BCAR1: variants seen among roughly 807,000 people sequenced by gnomAD.
BCAR1 encodes the protein BCAR1 scaffold protein, Cas family member, also known as breast cancer anti-estrogen resistance protein 1.
BCAR1 carries 30 observed loss-of-function variants against 67.6 expected under a neutral mutation model. That is an observed-to-expected ratio of 0.44 (90% CI 0.33 to 0.60). The LOEUF is 0.60. Ranked by LOEUF, BCAR1 falls within the 20% of genes least tolerant of loss-of-function variation. BCAR1 has a pLI of 0.02. For missense variants in BCAR1, 1,313 were observed against 1,222.3 expected (o/e 1.07, Z -1.11); for synonymous variants, 626 against 556.7 (o/e 1.12, Z -1.75).
chr16:75,248,278 AC>A, intron 1 of BCAR1: 1 of 1,444,110 alleles, frequency 6.9e-7, no homozygotes, highest in Non-Finnish European at 9.1e-7. Flanking sequence ...GCACACATGC[AC>A]CCGCCCCAGC....
intron 1 of BCAR1, chr16:75,250,573 G>A (rs1434069750): frequency 4.3e-6 from 4 of 926,632 alleles, no homozygotes; most frequent in Non-Finnish European, 5.1e-6. Context: ...AGGAGCTGCT[G>A]TCCCCGATCT....
At chr16:75,254,739 G>T (rs1368782386), upstream of BCAR1, among the ~76,000 whole-genome samples, 1 of 152,160 alleles carries the variant, frequency 6.6e-6, no homozygotes, top group Non-Finnish European at 1.5e-5. Flanking sequence ...TCCCAGGAGT[G>T]GCCTGGCACC....
chr16:75,230,193 T>C (rs1460855615), intron 6 of BCAR1, among the ~76,000 whole-genome samples, 170 bp from the exon 7 acceptor site: 5 of 152,186 alleles, frequency 3.3e-5, no homozygotes, highest in African/African-American at 1.2e-4. Context: ...CCAGGAACCA[T>C]GGCAAGCCTT....
chr16:75,248,472 A>AGGTGGGTC, intron 1 of BCAR1: 2 of 601,310 alleles, frequency 3.3e-6, no homozygotes, highest in Non-Finnish European at 4.6e-6. Flanking sequence ...CCCGGGACCC[A>AGGTGGGTC]CCTGGAGGGG....
intron 1 of BCAR1, 118 bp downstream of exon 1, chr16:75,251,353 C>A (rs974425058): frequency 2.2e-6 from 3 of 1,370,608 alleles, no homozygotes; most frequent in Admixed American, 5.4e-5. Context: ...GGCCGCGGAC[C>A]CCGGCCGGCG....
chr16:75,261,417 G>A (rs1016201980), intron 1 of BCAR1, among the ~76,000 whole-genome samples: 12 of 152,240 alleles, frequency 7.9e-5, no homozygotes, highest in Non-Finnish European at 1.8e-4. Flanking sequence ...CCCTTAAGGA[G>A]CCATGATCCC....
chr16:75,258,517 C>T (rs1426507338), intron 1 of BCAR1, among the ~76,000 whole-genome samples: 1 of 152,210 alleles, frequency 6.6e-6, no homozygotes, highest in Non-Finnish European at 1.5e-5. Flanking sequence ...AGGGAACTCA[C>T]ACTCCAAGGT....
At chr16:75,245,022 C>T (rs7197999) in intron 1 of BCAR1, among the ~76,000 whole-genome samples, 74,318 of 152,032 alleles carry the variant, frequency 0.49, 18,863 homozygotes, top group Admixed American at 0.63. Flanking sequence ...AAAAAGAAAA[C>T]GGTGGACTAT....
At chr16:75,238,114 C>A in intron 2 of BCAR1, 1 of 1,288,854 alleles carries the variant, frequency 7.8e-7, no homozygotes, top group Non-Finnish European at 1.0e-6. Context: ...CCAGGGAAGC[C>A]AAGGCCCGCA....
At chr16:75,250,854 C>T (rs1440833391) in intron 1 of BCAR1, 6 of 985,406 alleles carry the variant, frequency 6.1e-6, no homozygotes, top group Non-Finnish European at 7.2e-6. Flanking sequence ...CTTCCACCGG[C>T]GCTCGGCGTG....
At chr16:75,257,188 C>G (rs775394405) in intron 1 of BCAR1, among the ~76,000 whole-genome samples, 2 of 152,018 alleles carry the variant, frequency 1.3e-5, no homozygotes, top group Non-Finnish European at 2.9e-5. Flanking sequence ...CCCAGCCCAA[C>G]CCAGCCCAGC....
At chr16:75,252,995 T>C (rs530531578), upstream of BCAR1, among the ~76,000 whole-genome samples, 4 of 152,258 alleles carry the variant, frequency 2.6e-5, no homozygotes, top group East Asian at 5.8e-4. Flanking sequence ...TTGGGAAGCA[T>C]TGGCCAGAAC....
In BCAR1 at chr16:75,237,341, C is replaced by A; in HGVS notation, c.637G>T (p.Val213Leu). The A allele has an allele frequency of 6.8e-7, 1 of 1,462,444 alleles. No individual in the cohort carries two copies. The highest frequency in any genetic ancestry group is 9.0e-7 in the Non-Finnish European group (1 of 1,108,710). The allele number at this position is 1,462,444 out of a possible 1,614,324, so 90.6% of individuals were successfully genotyped here. A position where few individuals can be genotyped will look rare whatever the true frequency, so the allele number is the denominator to read the frequency against. The change falls in exon 3 of 7, where the codon GTG becomes TTG. Residue 213 changes from valine to leucine, a missense_variant. By Grantham distance (32) the Val-to-Leu change is conservative. This residue lies in a region of BCAR1 where 1,272 missense variants were observed against 1,137.5 expected (regional missense o/e 1.12). Coordinates refer to ENST00000162330, the MANE Select transcript of BCAR1 (RefSeq NM_014567.5). ...CCCTGCCCCACGCGGGTGGGCACCA[C>A]CACCTGGGGGCAGAGAGCCGACTTC... ...WEGTKPPAKVVVPTRVGQGYV... is the reference protein window; with the variant it reads ...WEGTKPPAKVLVPTRVGQGYV...
Position 75,240,419 on chromosome 16 carries a change from A to T in BCAR1, c.633+2051T>A, listed in dbSNP as rs576575772. ...TCGGAAACTGCCCAGGGCCCGCCCC[A>T]GCAGAGGGGGCAACCCAGCAAAGTC... is the stretch of plus-strand genomic sequence containing the variant. On this transcript the variant is annotated intron_variant, in intron 2 of 6. Coordinates refer to ENST00000162330, the MANE Select transcript of BCAR1 (RefSeq NM_014567.5). 3.2e-3 allele frequency among the ~76,000 whole-genome samples: 495 copies of T among 152,358 alleles called. 2 individuals are homozygous for T. The highest frequency in any genetic ancestry group is 0.011 in the African/African-American group (462 of 41,590).
intron 1 of BCAR1, chr16:75,266,069 C>G (rs73605136): frequency 1.8e-5 from 18 of 1,015,042 alleles, no homozygotes; most frequent in Non-Finnish European, 2.1e-5. Flanking sequence ...AGGTGAGGAC[C>G]CCGGACCTAG....
chr16:75,230,069 T>C, intron 6 of BCAR1, 46 bp from the exon 7 acceptor site: 4 of 1,512,262 alleles, frequency 2.6e-6, no homozygotes, highest in Non-Finnish European at 2.7e-6. Context: ...CTCGGGTGAG[T>C]TGGAACTACA....
chr16:75,239,149 A>G (rs1270227502), intron 2 of BCAR1: 2 of 974,566 alleles, frequency 2.1e-6, no homozygotes, highest in African/African-American at 3.5e-5. Context: ...CAGGGGGAAA[A>G]GCTCTTTAGG....
intron 4 of BCAR1, 91 bp from the exon 5 acceptor site, chr16:75,236,077 CGT>C: frequency 1.3e-5 from 19 of 1,426,708 alleles, no homozygotes; most frequent in Non-Finnish European, 1.7e-5. Context: ...CACACACACA[CGT>C]ACACACATAC....
intron 1 of BCAR1, chr16:75,266,804 A>G (rs769663318): frequency 1.2e-5 from 17 of 1,421,750 alleles, no homozygotes; most frequent in South Asian, 9.0e-5. Context: ...GCTGGGGTCC[A>G]GAGCACTGTC....
Sources: allele counts gnomAD v4.1 joint callset (sites outside exome capture counted in the v4.1 genomes callset), GRCh38; gene constraint gnomAD v4.1.1; regional missense constraint gnomAD v4.1.1; transcripts MANE v1.5; gene names NCBI Gene and HGNC (gene_info 2026-07-23, HGNC 2026-07-21).